The following PHC3 variants were observed in gnomAD, a reference collection of about 807,000 sequenced individuals.
The protein encoded by PHC3 is polyhomeotic-like protein 3.
A neutral mutation model predicts 107.4 loss-of-function variants in PHC3; 13 were observed. The ratio of observed to expected loss-of-function variants is 0.12; its 90% CI spans 0.08 to 0.19. The LOEUF is 0.19. PHC3 is among the 10% of genes least tolerant of loss of function. The probability of loss-of-function intolerance (pLI) is 1.00; values close to 1 mark genes in which losing one functional copy is unlikely to be tolerated. For synonymous variants in PHC3, 456 were observed against 427.4 expected, an observed-to-expected ratio of 1.07 and a Z score of -0.83; for missense variants, 992 against 1,210.9, an observed-to-expected ratio of 0.82 and a Z score of 2.68.
Position 170,117,359 on chromosome 3 carries a change from C to T in PHC3, c.2060G>A (p.Arg687Lys), listed in dbSNP as rs533096858. 1.2e-6 allele frequency: 2 copies of T among 1,613,772 alleles called. No homozygotes were observed. Among genetic ancestry groups the T allele is most frequent in the East Asian group, 2.2e-5 (1 of 44,856 alleles). ...ACTGTGCATAGATGTACTGTTACTC[C>T]TTGTGGTGGCAGCTGGAAGTAACAA... is the stretch of plus-strand genomic sequence containing the variant. ...PPLLLPAATT[R>K]SNSTSMHSSI... The change falls in exon 10 of 15, where the codon AGG (arginine) becomes AAG (lysine). Residue 687 changes from arginine (R) to lysine (K), a missense_variant. Physicochemically the swap from Arg to Lys is conservative, Grantham distance 26. This residue lies in a region of PHC3 where 543 missense variants were observed against 590.8 expected (regional missense o/e 0.92). Transcript: ENST00000495893.
chr3:170,171,366 A>G lies in PHC3; in HGVS notation c.414+7T>C. On this transcript the variant is annotated splice_region_variant and intron_variant, in intron 4 of 14. Transcript: ENST00000495893. ...AAATCCAGGAAAAAAAAATTTAGGG[A>G]ACTTACAGACGTTTGGGACATACTT... 2 of 1,580,242 alleles carry G rather than the reference A, an allele frequency of 1.3e-6. No individual in the cohort carries two copies. Among genetic ancestry groups the G allele is most frequent in the South Asian group, 1.2e-5 (1 of 83,456 alleles).
rs1430263984 is a variant in PHC3 at position 170,095,873 on chromosome 3, C to T, written c.*1357G>A. ...AAACATGTACATACAAAATTATATC[C>T]GATGGTTCAAGAGAAATCACTTGGT... On this transcript the variant is annotated 3_prime_UTR_variant, in exon 15 of 15. Coordinates refer to ENST00000495893, the MANE Select transcript of PHC3 (RefSeq NM_024947.4). The T allele has an allele frequency of 1.3e-5, 2 of 151,968 alleles. No individual in the cohort carries two copies. The highest frequency in any genetic ancestry group is 4.8e-5 in the African/African-American group (2 of 41,372). 9.4% of individuals were successfully genotyped at this position (151,968 alleles called of 1,614,324 possible). A position where few individuals can be genotyped will look rare whatever the true frequency, so the allele number is the denominator to read the frequency against.
intron 4 of PHC3, among the ~76,000 whole-genome samples, chr3:170,161,260 T>C (rs1727843411): frequency 6.6e-6 from 1 of 152,208 alleles, no homozygotes; most frequent in African/African-American, 2.4e-5. Flanking sequence ...AGAACTGCTC[T>C]GGCTGGCTAA....
At position 170,095,002 on chromosome 3, in the gene PHC3, T is replaced by A. The variant is rs1022498670; in HGVS notation, c.*2228A>T. ...TTATTGCTGGAGCAGTCTATCCCCA[T>A]ATAATAAATTTTGTATTAACCGTGG... On this transcript the variant is annotated 3_prime_UTR_variant, in exon 15 of 15. Transcript: ENST00000495893. 1 of 152,196 alleles carries A rather than the reference T, an allele frequency of 6.6e-6. No homozygotes were observed. The highest frequency in any genetic ancestry group is 1.5e-5 in the Non-Finnish European group (1 of 68,028). 9.4% of individuals were successfully genotyped at this position (152,196 alleles called of 1,614,324 possible). A position where few individuals can be genotyped will look rare whatever the true frequency, so the allele number is the denominator to read the frequency against.
rs1295013996 is a variant in PHC3, at chr3:170,181,554, A to G, written c.14+148T>C. ...CGTCTTCGCCCCGCGACACGGGCCT[A>G]GCCGGCTCCTCCACGATAGGACGGG... On this transcript the variant is annotated intron_variant, in intron 1 of 14. Coordinates refer to ENST00000495893, the MANE Select transcript of PHC3 (RefSeq NM_024947.4). 18 of 1,175,436 alleles carry G rather than the reference A, an allele frequency of 1.5e-5. No individual in the cohort carries two copies. In the East Asian group the frequency reaches 4.2e-4, roughly 28 times the overall value. 72.8% of individuals were successfully genotyped at this position (1,175,436 alleles called of 1,614,324 possible).
intron 10 of PHC3, 138 bp from the exon 11 acceptor site, chr3:170,113,657 C>A (rs539396779): frequency 4.8e-4 from 362 of 761,156 alleles, no homozygotes; most frequent in Non-Finnish European, 6.8e-4. Context: ...TTAGTAAGTG[C>A]CTTATTCCTT....
Position 170,132,928 on chromosome 3 carries a change from T to C in PHC3, c.920-3376A>G, listed in dbSNP as rs1722485666. 2.0e-5 allele frequency among the ~76,000 whole-genome samples: 3 copies of C among 152,194 alleles called. No individual in the cohort carries two copies. In the South Asian group the frequency reaches 6.2e-4, roughly 31 times the overall value. ...TTAAAGTTTGACCTTATTTTACATA[T>C]TAAAAATAGAATTTACTATGTATCA... On this transcript the variant is annotated intron_variant, in intron 7 of 14. Coordinates refer to ENST00000495893, the MANE Select transcript of PHC3 (RefSeq NM_024947.4).
At position 170,128,879 on chromosome 3, in the gene PHC3, C is replaced by T. The variant is rs1172755666; in HGVS notation, c.1593G>A (p.Gln531=). 1.2e-6 allele frequency: 2 copies of T among 1,613,926 alleles called. No individual in the cohort carries two copies. The highest frequency in any genetic ancestry group is 1.3e-5 in the African/African-American group (1 of 74,936). The change falls in exon 8 of 15, where the codon CAG becomes CAA. Residue 531 remains glutamine (Q), a synonymous_variant. Coordinates refer to ENST00000495893, the MANE Select transcript of PHC3 (RefSeq NM_024947.4). ...PPAQIPPLPL[Q]SMQSLQVQPE... ...GCTGCACTTGTAAAGACTGCATAGA[C>T]TGCAAGGGCAGTGGTGGAATCTGAG...
intron 4 of PHC3, among the ~76,000 whole-genome samples, chr3:170,158,286 T>C (rs1277115534): frequency 6.6e-6 from 1 of 152,134 alleles, no homozygotes; most frequent in African/African-American, 2.4e-5. Context: ...AATTAAATAC[T>C]CAATGCGGGC....
chr3:170,149,123 G>A lies in PHC3; in HGVS notation c.536C>T (p.Thr179Met). 7.4e-6 allele frequency: 12 copies of A among 1,613,082 alleles called. No individual in the cohort carries two copies. Among genetic ancestry groups the A allele is most frequent in the Non-Finnish European group, 1.0e-5 (12 of 1,179,672 alleles). The change falls in exon 5 of 15, where the codon ACG becomes ATG. Residue 179 changes from threonine (T) to methionine (M), a missense_variant. By Grantham distance (81) the Thr-to-Met change is moderately conservative (BLOSUM62 -1). This residue lies in a region of PHC3 where 35 missense variants were observed against 73.6 expected (regional missense o/e 0.48). Coordinates refer to ENST00000495893, the MANE Select transcript of PHC3 (RefSeq NM_024947.4). ...MLLGSTSPTL[T>M]ASQAQMYLRA... ...GAGATACATTTGAGCTTGGCTTGCC[G>A]TTAGGGTAGGGGAAGTACTCCCTAG...
intron 10 of PHC3, 108 bp from the exon 11 acceptor site, chr3:170,113,627 G>T: frequency 9.7e-7 from 1 of 1,034,112 alleles, no homozygotes; most frequent in Non-Finnish European, 1.4e-6. Flanking sequence ...TAATTTACTA[G>T]TTCAACTGAT....
intron 4 of PHC3, among the ~76,000 whole-genome samples, chr3:170,150,304 G>T (rs1725690055): frequency 6.6e-6 from 1 of 152,000 alleles, no homozygotes; most frequent in Non-Finnish European, 1.5e-5. Context: ...TCAAGCAAAA[G>T]AAAATACTAC....
chr3:170,136,447 T>C lies in PHC3; in HGVS notation c.891A>G (p.Thr297=), dbSNP rs748441012. The change falls in exon 7 of 15, where the codon ACA becomes ACG. Residue 297 remains threonine, a synonymous_variant. Coordinates refer to ENST00000495893, the MANE Select transcript of PHC3 (RefSeq NM_024947.4). ...LESRSTAVTR[T]SSIHQLIAPA... ...GTGCTATTAACTGGTGAATACTTGATGTCCGGGTGACAGCTGTGCTTCGTG... is the reference window on the plus strand; with the variant it reads ...GTGCTATTAACTGGTGAATACTTGACGTCCGGGTGACAGCTGTGCTTCGTG... The C allele has an allele frequency of 6.2e-7, 1 of 1,606,858 alleles. No homozygotes were observed. Among genetic ancestry groups the C allele is most frequent in the Non-Finnish European group, 8.5e-7 (1 of 1,177,626 alleles).
chr3:170,111,134 G>C (rs1717553426), intron 11 of PHC3, among the ~76,000 whole-genome samples: 1 of 152,012 alleles, frequency 6.6e-6, no homozygotes, highest in South Asian at 2.1e-4. Flanking sequence ...TATTGGCCAG[G>C]TATTATATAA....
intron 2 of PHC3, chr3:170,176,848 GA>G: frequency 8.9e-6 from 4 of 448,468 alleles, no homozygotes. Context: ...AGTAATTAAT[GA>G]AAGAAGTAGT....
At chr3:170,117,973 A>G (rs908605444) in intron 9 of PHC3, among the ~76,000 whole-genome samples, 6 of 152,206 alleles carry the variant, frequency 3.9e-5, no homozygotes, top group Non-Finnish European at 8.8e-5. Context: ...AGACTGTGCC[A>G]CTGCACTCCA....
Position 170,149,116 on chromosome 3 carries a change from G to A in PHC3, c.543C>T (p.Ser181=). ...LGSTSPTLTA[S]QAQMYLRAQM... ...GAGCTCGGAGATACATTTGAGCTTG[G>A]CTTGCCGTTAGGGTAGGGGAAGTAC... Residue 181 remains serine (S), a synonymous_variant, in exon 5 of 15, where the codon AGC becomes AGT. Coordinates refer to ENST00000495893, the MANE Select transcript of PHC3 (RefSeq NM_024947.4). The A allele has an allele frequency of 6.2e-7, 1 of 1,613,100 alleles. No individual in the cohort carries two copies. The highest frequency in any genetic ancestry group is 1.1e-5 in the South Asian group (1 of 90,882).
intron 12 of PHC3, among the ~76,000 whole-genome samples, chr3:170,104,084 A>T (rs1463660185): frequency 6.6e-6 from 1 of 152,070 alleles, no homozygotes. Flanking sequence ...CAATAAAAAT[A>T]AAAAAATAAA....
intron 1 of PHC3, among the ~76,000 whole-genome samples, chr3:170,179,186 C>T (rs1731001521): frequency 6.6e-6 from 1 of 152,144 alleles, no homozygotes; most frequent in Admixed American, 6.5e-5. Context: ...TCAGATAACG[C>T]ATAGCCAAAA....
Sources: gnomAD v4.1 joint callset for allele counts (sites outside exome capture counted in the v4.1 genomes callset) on GRCh38, gnomAD v4.1.1 for gene constraint, gnomAD v4.1.1 regional missense constraint, MANE v1.5 for transcripts, NCBI Gene and HGNC (gene_info 2026-07-23, HGNC 2026-07-21) for gene names.